The following EPB41L4B variants were observed in gnomAD, a reference collection of about 807,000 sequenced individuals.
EPB41L4B encodes band 4.1-like protein 4B.
EPB41L4B carries 30 observed loss-of-function variants against 112.5 expected under a neutral mutation model. The ratio of observed to expected loss-of-function variants is 0.27; its 90% confidence interval spans 0.20 to 0.36. The LOEUF (loss-of-function observed/expected upper bound fraction) is 0.36, where lower values mean the gene tolerates loss of function less well. Ranked by LOEUF, EPB41L4B falls within the 10% of genes least tolerant of loss-of-function variation. The pLI is 1.00. For synonymous variants in EPB41L4B, 408 were observed against 439.7 expected (o/e 0.93, Z 0.90); for missense variants, 1,024 against 1,133.3 (o/e 0.90, Z 1.38).
intron 15 of EPB41L4B, among the ~76,000 whole-genome samples, chr9:109,236,163 C>T (rs961148647): frequency 6.6e-6 from 1 of 152,170 alleles, no homozygotes; most frequent in Non-Finnish European, 1.5e-5. Flanking sequence ...TATACACACG[C>T]CCAGTCCTTC....
At chr9:109,281,712 A>AT (rs1340943772) in intron 1 of EPB41L4B, among the ~76,000 whole-genome samples, 9 of 127,968 alleles carry the variant, frequency 7.0e-5, no homozygotes, top group African/African-American at 3.0e-4. Flanking sequence ...AAATAAATAA[A>AT]TAAATAAATA....
Position 109,182,722 on chromosome 9 carries a change from T to C in EPB41L4B, c.2487+7A>G. The C allele has an allele frequency of 3.1e-6, 5 of 1,604,702 alleles. No individual in the cohort carries two copies. The highest frequency in any genetic ancestry group is 4.3e-6 in the Non-Finnish European group (5 of 1,171,630). On this transcript the variant is annotated splice_region_variant and intron_variant, in intron 24 of 25. Coordinates refer to ENST00000374566, the MANE Select transcript of EPB41L4B (RefSeq NM_019114.5). ...AAAATGCACATCTGTTTTCTGGATC[T>C]ACTTACAGTAAACTGTGGCCCTGTG... is the stretch of plus-strand genomic sequence containing the variant.
chr9:109,208,104 C>G, intron 17 of EPB41L4B, 55 bp from the exon 18 acceptor site: 1 of 1,606,242 alleles, frequency 6.2e-7, no homozygotes, highest in Non-Finnish European at 8.5e-7. Context: ...GAACCATGTG[C>G]ATTAACTTTT....
chr9:109,188,396 C>T (rs571195556), intron 22 of EPB41L4B, among the ~76,000 whole-genome samples: 1 of 152,196 alleles, frequency 6.6e-6, no homozygotes, highest in South Asian at 2.1e-4. Context: ...ACAGGGTGGC[C>T]TCCAAACAGA....
chr9:109,232,759 C>G (rs1038897567), intron 15 of EPB41L4B, among the ~76,000 whole-genome samples: 1 of 152,172 alleles, frequency 6.6e-6, no homozygotes, highest in African/African-American at 2.4e-5. Flanking sequence ...GAGCTGAACA[C>G]TGGGTACGTG....
At chr9:109,209,523 TG>T (rs555357843) in intron 17 of EPB41L4B, among the ~76,000 whole-genome samples, 242 of 151,760 alleles carry the variant, frequency 1.6e-3, no homozygotes, top group African/African-American at 5.6e-3. Flanking sequence ...TAAGAGGGCG[TG>T]GTGGCCCTCA....
intron 23 of EPB41L4B, 83 bp from the exon 24 acceptor site, chr9:109,182,880 G>A: frequency 1.0e-6 from 1 of 996,274 alleles, no homozygotes; most frequent in East Asian, 2.4e-5. Context: ...CCTTTAAAAT[G>A]GAACCAAAGG....
intron 13 of EPB41L4B, among the ~76,000 whole-genome samples, chr9:109,250,946 C>A (rs866918142): frequency 1.3e-5 from 2 of 152,208 alleles, no homozygotes; most frequent in Admixed American, 1.3e-4. Context: ...CACAGCAGAG[C>A]CTGCAAAGTC....
intron 1 of EPB41L4B, among the ~76,000 whole-genome samples, chr9:109,309,302 T>A (rs1473219685): frequency 6.6e-6 from 1 of 152,298 alleles, no homozygotes; most frequent in African/African-American, 2.4e-5. Flanking sequence ...GATCCCGTAG[T>A]TGCTCTCACA....
At chr9:109,315,812 A>G (rs763566791) in intron 1 of EPB41L4B, among the ~76,000 whole-genome samples, 1 of 148,886 alleles carries the variant, frequency 6.7e-6, no homozygotes, top group Non-Finnish European at 1.5e-5. Context: ...GTTTTTGCTG[A>G]AAAAAACATC....
Position 109,194,290 on chromosome 9 carries a change from G to T in EPB41L4B, c.2153C>A (p.Ser718Tyr), listed in dbSNP as rs374012794. The T allele has an allele frequency of 1.6e-5, 26 of 1,614,096 alleles. No homozygotes were observed. The highest frequency in any genetic ancestry group is 2.1e-5 in the Non-Finnish European group (25 of 1,180,054). ...CGAGCTGACATTCTGGACCTTGGGG[G>T]ACGGCAGCGGCACGGAGACTTGTGT... ...AATQVSVPLP[S>Y]PKVQNVSSPH... Residue 718 changes from serine (S) to tyrosine (Y), a missense_variant, in exon 21 of 26, where the codon TCC becomes TAC. Physicochemically the swap from Ser to Tyr is moderately radical, Grantham distance 144. Transcript: ENST00000374566.
At chr9:109,309,827 G>T (rs980351637) in intron 1 of EPB41L4B, among the ~76,000 whole-genome samples, 5 of 152,024 alleles carry the variant, frequency 3.3e-5, no homozygotes, top group Admixed American at 6.6e-5. Context: ...ATCAACAACT[G>T]GGGGAAGGTA....
intron 1 of EPB41L4B, among the ~76,000 whole-genome samples, chr9:109,319,528 C>A (rs963561255): frequency 6.6e-6 from 1 of 152,162 alleles, no homozygotes; most frequent in Non-Finnish European, 1.5e-5. Flanking sequence ...GAGGAGGCTG[C>A]GGGGCAGATG....
At chr9:109,279,750 A>G in intron 2 of EPB41L4B, 67 bp downstream of exon 2, 1 of 1,322,848 alleles carries the variant, frequency 7.6e-7, no homozygotes, top group South Asian at 1.2e-5. Flanking sequence ...CATTTCTAGC[A>G]ACTGTGGACG....
At chr9:109,245,293 C>CT (rs1588166697) in intron 14 of EPB41L4B, among the ~76,000 whole-genome samples, 1 of 152,204 alleles carries the variant, frequency 6.6e-6, no homozygotes, top group African/African-American at 2.4e-5. Context: ...ACTGGACCCT[C>CT]TATGTTTTCC....
Position 109,176,621 on chromosome 9 carries a change from G to T in EPB41L4B, c.2563C>A (p.Pro855Thr), listed in dbSNP as rs754880969. 6.2e-7 allele frequency: 1 copy of T among 1,614,030 alleles called. No individual in the cohort carries two copies. Among genetic ancestry groups the T allele is most frequent in the Non-Finnish European group, 8.5e-7 (1 of 1,179,980 alleles). Residue 855 changes from proline to threonine, a missense_variant, in exon 25 of 26, where the codon CCT becomes ACT. Transcript: ENST00000374566. ...ACTGTGGAGACGGTCTCTGTCAAAGGCCTCAGGGTCGCTGCTGGGATCAGC... is the reference window on the plus strand; with the variant it reads ...ACTGTGGAGACGGTCTCTGTCAAAGTCCTCAGGGTCGCTGCTGGGATCAGC... ...SPLIPAATLRPLTETVSTVQT... is the reference protein window; with the variant it reads ...SPLIPAATLRTLTETVSTVQT...
At position 109,246,826 on chromosome 9, in the gene EPB41L4B, C is replaced by T. The variant is rs536804631; in HGVS notation, c.1344+930G>A. On this transcript the variant is annotated intron_variant, in intron 14 of 25. Coordinates refer to ENST00000374566, the MANE Select transcript of EPB41L4B (RefSeq NM_019114.5). ...CAAGACGCCAGCCATAGAAACGTAC[C>T]TGTGCTCCTTCCTGCAGGCAATGGG... Among the ~76,000 whole-genome samples, 8 of 152,378 alleles carry T rather than the reference C, an allele frequency of 5.3e-5. 1 individual carries two copies. Among genetic ancestry groups the T allele is most frequent in the Admixed American group, 5.2e-4 (8 of 15,310 alleles).
In EPB41L4B at chr9:109,172,830, C is replaced by T. The variant is rs1831677295; in HGVS notation, c.*1724G>A. The T allele has an allele frequency of 1.3e-5, 2 of 152,594 alleles. No homozygotes were observed. The highest frequency in any genetic ancestry group is 4.1e-4 in the South Asian group (2 of 4,824). 9.5% of individuals were successfully genotyped at this position (152,594 alleles called of 1,614,324 possible). ...ATACATTCCTCATTTTACAACAATA[C>T]TAGTAAATGAGGCATTACCTTTTTT... On this transcript the variant is annotated 3_prime_UTR_variant, in exon 26 of 26. Coordinates refer to ENST00000374566, the MANE Select transcript of EPB41L4B (RefSeq NM_019114.5).
chr9:109,312,765 A>C (rs1482042739), intron 1 of EPB41L4B, among the ~76,000 whole-genome samples: 1 of 152,164 alleles, frequency 6.6e-6, no homozygotes, highest in Admixed American at 6.5e-5. Context: ...TCACTCCTTT[A>C]AGATCCAGGC....
Sources: gnomAD v4.1 joint callset for allele counts (sites outside exome capture counted in the v4.1 genomes callset) on GRCh38, gnomAD v4.1.1 for gene constraint, MANE v1.5 for transcripts, NCBI Gene and HGNC (gene_info 2026-07-23, HGNC 2026-07-21) for gene names.